The following NIPSNAP2 variants were observed in gnomAD, a reference collection of about 807,000 sequenced individuals.
NIPSNAP2 encodes protein NipSnap homolog 2.
A neutral mutation model predicts 48.4 loss-of-function variants in NIPSNAP2; 42 were observed. The ratio of observed to expected loss-of-function variants is 0.87; its 90% CI spans 0.68 to 1.12. NIPSNAP2 has a LOEUF of 1.12. NIPSNAP2 is among the 50% of genes most tolerant of loss of function. NIPSNAP2 has a pLI of 0.00. For synonymous variants in NIPSNAP2, 158 were observed against 126.6 expected, an observed-to-expected ratio of 1.25 and a Z score of -1.67; for missense variants, 314 against 347.3, an observed-to-expected ratio of 0.90 and a Z score of 0.76.
At chr7:55,981,378 A>AGTAG in intron 3 of NIPSNAP2, 95 bp from the exon 4 acceptor site, 1 of 790,736 alleles carries the variant, frequency 1.3e-6, no homozygotes, top group South Asian at 1.5e-5. Context: ...TAGAACACAG[A>AGTAG]GTAGGTGGTC....
At chr7:55,990,209 T>C (rs1787414680) in intron 7 of NIPSNAP2, among the ~76,000 whole-genome samples, 1 of 151,548 alleles carries the variant, frequency 6.6e-6, no homozygotes, top group African/African-American at 2.4e-5. Flanking sequence ...CATATTTCTG[T>C]ACCTTAATTT....
chr7:55,984,574 C>A (rs1170037630), intron 6 of NIPSNAP2, among the ~76,000 whole-genome samples: 1 of 151,886 alleles, frequency 6.6e-6, no homozygotes, highest in Non-Finnish European at 1.5e-5. Context: ...AAAAAATTAG[C>A]CAGGCATGGT....
At chr7:55,985,395 T>G (rs767481544) in intron 7 of NIPSNAP2, among the ~76,000 whole-genome samples, 1 of 152,094 alleles carries the variant, frequency 6.6e-6, no homozygotes, top group Non-Finnish European at 1.5e-5. Flanking sequence ...CAAGTTGATA[T>G]GTAGATTCAG....
chr7:55,964,621 A>G lies in NIPSNAP2; in HGVS notation c.12A>G (p.Arg4=). The G allele has an allele frequency of 9.5e-7, 1 of 1,049,386 alleles. No homozygotes were observed. The highest frequency in any genetic ancestry group is 1.1e-6 in the Non-Finnish European group (1 of 872,922). 65.0% of individuals were successfully genotyped at this position (1,049,386 alleles called of 1,614,324 possible). Residue 4 remains arginine, a synonymous_variant, in exon 1 of 10, where the codon CGA becomes CGG. Transcript: ENST00000322090. MAA[R]VLRARGAAWA... Reference sequence around the variant, plus strand: ...AGGCGCCGAGCAAGATGGCGGCGCGAGTGCTGCGCGCCCGCGGAGCGGCCT... The same window carrying G: ...AGGCGCCGAGCAAGATGGCGGCGCGGGTGCTGCGCGCCCGCGGAGCGGCCT...
At chr7:55,966,479 G>A (rs1416453394) in intron 1 of NIPSNAP2, among the ~76,000 whole-genome samples, 2 of 151,930 alleles carry the variant, frequency 1.3e-5, no homozygotes, top group African/African-American at 4.8e-5. Flanking sequence ...TTTGTATAAT[G>A]AAACTTTTTT....
intron 1 of NIPSNAP2, among the ~76,000 whole-genome samples, chr7:55,970,680 G>T (rs79278832): frequency 6.6e-6 from 1 of 152,058 alleles, no homozygotes; most frequent in African/African-American, 2.4e-5. Context: ...CCCTCGCCTC[G>T]CCCTCACGGT....
chr7:55,974,994 C>G (rs1363304273), intron 1 of NIPSNAP2, among the ~76,000 whole-genome samples: 1 of 152,010 alleles, frequency 6.6e-6, no homozygotes, highest in African/African-American at 2.4e-5. Context: ...TATGCTGGCC[C>G]TTTGGAATCC....
At chr7:55,982,621 A>G (rs866445180) in intron 5 of NIPSNAP2, among the ~76,000 whole-genome samples, 4 of 151,870 alleles carry the variant, frequency 2.6e-5, no homozygotes, top group Non-Finnish European at 4.4e-5. Context: ...GCTTGGTGGC[A>G]GGCACCTGTA....
rs1787644503 is a variant in NIPSNAP2, at chr7:55,999,986, T to C, written c.*914T>C. On this transcript the variant is annotated 3_prime_UTR_variant, in exon 10 of 10. Coordinates refer to ENST00000322090, the MANE Select transcript of NIPSNAP2 (RefSeq NM_001483.3). ...CTTTTTGTCTAGCTGTTTGATTTCA[T>C]TTTTTAATATAGTATGCCAATTTTG... 6.6e-6 allele frequency: 1 copy of C among 152,656 alleles called. No homozygotes were observed. The highest frequency in any genetic ancestry group is 1.5e-5 in the Non-Finnish European group (1 of 68,040). 9.5% of individuals were successfully genotyped at this position (152,656 alleles called of 1,614,324 possible).
intron 8 of NIPSNAP2, among the ~76,000 whole-genome samples, chr7:55,996,033 A>G (rs1787555873): frequency 6.6e-6 from 1 of 152,194 alleles, no homozygotes; most frequent in Non-Finnish European, 1.5e-5. Context: ...CACGCCTATA[A>G]TCCCAGCACT....
At chr7:55,981,995 C>G in intron 4 of NIPSNAP2, 1 of 377,162 alleles carries the variant, frequency 2.7e-6, no homozygotes, top group African/African-American at 2.1e-5. Flanking sequence ...TTAGTAGAGA[C>G]AGGGTTTCAC....
intron 7 of NIPSNAP2, among the ~76,000 whole-genome samples, chr7:55,991,641 G>A (rs1562768462): frequency 3.3e-5 from 5 of 151,454 alleles, no homozygotes; most frequent in East Asian, 1.9e-4. Flanking sequence ...CCAGCTACTC[G>A]GAAGGCTGAG....
intron 8 of NIPSNAP2, among the ~76,000 whole-genome samples, chr7:55,995,705 A>G (rs1347259494): frequency 6.6e-6 from 1 of 152,162 alleles, no homozygotes; most frequent in African/African-American, 2.4e-5. Flanking sequence ...CTCCATTCAC[A>G]TCAGCACCTG....
chr7:55,967,693 G>T (rs112183274), intron 1 of NIPSNAP2, among the ~76,000 whole-genome samples: 84 of 151,978 alleles, frequency 5.5e-4, no homozygotes, highest in African/African-American at 1.9e-3. Flanking sequence ...CTGTTGCCCA[G>T]GCTGGAGTTC....
At chr7:55,986,109 G>T (rs1239484435) in intron 7 of NIPSNAP2, among the ~76,000 whole-genome samples, 2 of 152,126 alleles carry the variant, frequency 1.3e-5, no homozygotes, top group East Asian at 3.9e-4. Flanking sequence ...TGTAATTCCA[G>T]CACTTTGGGG....
At chr7:55,974,839 C>T in intron 1 of NIPSNAP2, among the ~76,000 whole-genome samples, 1 of 124,974 alleles carries the variant, frequency 8.0e-6, no homozygotes, top group South Asian at 2.7e-4. Flanking sequence ...CAGAGCGCGA[C>T]TCTGTCTTAA....
rs927866855 is a variant in NIPSNAP2 at position 55,965,395 on chromosome 7, C to T, written c.92+694C>T. Reference sequence around the variant, plus strand: ...GACGTTTGGTTGTCCAAATTCATCACCTTGATATTTGCATGTGCTGTTTTC... The same window carrying T: ...GACGTTTGGTTGTCCAAATTCATCATCTTGATATTTGCATGTGCTGTTTTC... On this transcript the variant is annotated intron_variant, in intron 1 of 9. Coordinates refer to ENST00000322090, the MANE Select transcript of NIPSNAP2 (RefSeq NM_001483.3). 3.3e-5 allele frequency among the ~76,000 whole-genome samples: 5 copies of T among 152,042 alleles called. No individual in the cohort carries two copies. The East Asian group carries it at 9.7e-4, about 29-fold the overall frequency.
intron 7 of NIPSNAP2, among the ~76,000 whole-genome samples, chr7:55,991,228 A>C (rs1162917706): frequency 6.6e-6 from 1 of 152,204 alleles, no homozygotes; most frequent in Non-Finnish European, 1.5e-5. Context: ...CAAAGGCTAA[A>C]TAATGGAAGT....
chr7:55,994,866 T>G, intron 7 of NIPSNAP2, 28 bp from the exon 8 acceptor site: 1 of 1,598,986 alleles, frequency 6.3e-7, no homozygotes, highest in Non-Finnish European at 8.6e-7. Context: ...ATTCAGTGTC[T>G]TAAACAAACA....
Sources: allele counts gnomAD v4.1 joint callset (sites outside exome capture counted in the v4.1 genomes callset), GRCh38; gene constraint gnomAD v4.1.1; transcripts MANE v1.5; gene names NCBI Gene and HGNC (gene_info 2026-07-23, HGNC 2026-07-21).